SLC4A4: variants seen among roughly 807,000 people sequenced by gnomAD.
SLC4A4 encodes solute carrier family 4 member 4.
SLC4A4 carries 27 observed loss-of-function variants against 111.5 expected under a neutral mutation model. The observed-to-expected ratio is 0.24, with a 90% confidence interval of 0.18 to 0.33. The LOEUF (loss-of-function observed/expected upper bound fraction) is 0.33. SLC4A4 is among the 10% of genes least tolerant of loss of function. The pLI is 1.00. For synonymous variants in SLC4A4, 443 were observed against 463.4 expected (o/e 0.96, Z 0.57); for missense variants, 909 against 1,315.5 (o/e 0.69, Z 4.78).
chr4:71,184,137 A>G (rs1313148004), upstream of SLC4A4, among the ~76,000 whole-genome samples: 1 of 152,204 alleles, frequency 6.6e-6, no homozygotes, highest in Admixed American at 6.5e-5. Context: ...AGAGTCTTTA[A>G]GGACCTAGTC....
intron 2 of SLC4A4, among the ~76,000 whole-genome samples, chr4:71,138,530 T>C (rs909995140): frequency 6.6e-6 from 1 of 152,192 alleles, no homozygotes; most frequent in Non-Finnish European, 1.5e-5. Flanking sequence ...TCGGTTCATA[T>C]TATCTTCAAG....
chr4:71,082,978 C>A (rs1037106910), intron 1 of SLC4A4, among the ~76,000 whole-genome samples: 4 of 151,894 alleles, frequency 2.6e-5, no homozygotes, highest in African/African-American at 7.3e-5. Flanking sequence ...CTCAGCCTCC[C>A]AAGTAGCTGG....
chr4:71,269,069 A>C (rs183582747), intron 3 of SLC4A4, among the ~76,000 whole-genome samples: 1 of 152,334 alleles, frequency 6.6e-6, no homozygotes, highest in African/African-American at 2.4e-5. Flanking sequence ...CAGAATTAGA[A>C]CAAGGTCTTT....
chr4:71,546,226 G>T, intron 18 of SLC4A4, 124 bp from the exon 19 acceptor site: 2 of 802,910 alleles, frequency 2.5e-6, no homozygotes, highest in South Asian at 1.4e-5. Context: ...CCTCTTTCAA[G>T]GAGTTTAACT....
intron 16 of SLC4A4, among the ~76,000 whole-genome samples, chr4:71,511,256 T>C (rs990789621): frequency 6.6e-6 from 1 of 152,150 alleles, no homozygotes; most frequent in African/African-American, 2.4e-5. Flanking sequence ...ATCCTCTTCT[T>C]TTACCCTGAA....
At chr4:71,520,695 A>G (rs777264544) in intron 16 of SLC4A4, among the ~76,000 whole-genome samples, 30 of 152,216 alleles carry the variant, frequency 2.0e-4, no homozygotes, top group Non-Finnish European at 4.0e-4. Flanking sequence ...AACCTTACAA[A>G]TTAGCAAAAA....
intron 2 of SLC4A4, among the ~76,000 whole-genome samples, chr4:71,149,866 A>T (rs1744268581): frequency 6.6e-6 from 1 of 152,134 alleles, no homozygotes; most frequent in African/African-American, 2.4e-5. Flanking sequence ...TTTTTGATTC[A>T]TCAAATGGAG....
chr4:71,339,036 T>C, intron 3 of SLC4A4: 1 of 1,451,360 alleles, frequency 6.9e-7, no homozygotes, highest in Non-Finnish European at 9.0e-7. Flanking sequence ...TAATTTTGGA[T>C]GAGTCATAAG....
chr4:71,339,075 A>G, intron 3 of SLC4A4: 1 of 1,565,208 alleles, frequency 6.4e-7, no homozygotes, highest in South Asian at 1.2e-5. Context: ...GAGTGGTTAG[A>G]CCTCAGCTCA....
chr4:71,429,578 G>T (rs1321523362), intron 7 of SLC4A4, among the ~76,000 whole-genome samples: 1 of 152,162 alleles, frequency 6.6e-6, no homozygotes, highest in Non-Finnish European at 1.5e-5. Context: ...TAATAGCCTG[G>T]TAAAGACAAA....
At chr4:71,566,956 T>C in intron 24 of SLC4A4, 48 bp from the exon 25 acceptor site, 2 of 1,505,998 alleles carry the variant, frequency 1.3e-6, no homozygotes, top group East Asian at 2.3e-5. Context: ...TGTTTTATAC[T>C]TCACCAAAGA....
At chr4:71,483,527 T>C (rs1482234799) in intron 14 of SLC4A4, among the ~76,000 whole-genome samples, 1 of 152,034 alleles carries the variant, frequency 6.6e-6, no homozygotes, top group Non-Finnish European at 1.5e-5. Context: ...GGCTGCATAG[T>C]ATTCCATGGT....
chr4:71,526,691 A>T (rs765440496), intron 16 of SLC4A4, among the ~76,000 whole-genome samples: 2 of 152,146 alleles, frequency 1.3e-5, no homozygotes, highest in African/African-American at 2.4e-5. Flanking sequence ...CTGAGAGGTC[A>T]GATCTGGATG....
chr4:71,202,514 C>T (rs1427777873), intron 1 of SLC4A4, among the ~76,000 whole-genome samples: 1 of 152,160 alleles, frequency 6.6e-6, no homozygotes, highest in Admixed American at 6.6e-5. Context: ...CCACAAAACA[C>T]TCTTTTAAAA....
chr4:71,087,721 A>G (rs959075066), intron 1 of SLC4A4, among the ~76,000 whole-genome samples: 2 of 151,610 alleles, frequency 1.3e-5, no homozygotes, highest in African/African-American at 4.9e-5. Context: ...GGTTTTGAGC[A>G]AGTTTCTTAA....
chr4:71,252,359 G>A (rs1578680611), intron 2 of SLC4A4, among the ~76,000 whole-genome samples: 1 of 152,172 alleles, frequency 6.6e-6, no homozygotes, highest in Non-Finnish European at 1.5e-5. Context: ...CTTCTTATAG[G>A]CAAGGAAGCT....
intron 2 of SLC4A4, among the ~76,000 whole-genome samples, chr4:71,167,315 C>G (rs1191819533): frequency 1.3e-5 from 2 of 152,128 alleles, no homozygotes; most frequent in African/African-American, 4.8e-5. Context: ...TACAGCAGCT[C>G]AAGTCTCCAA....
intron 3 of SLC4A4, among the ~76,000 whole-genome samples, chr4:71,293,425 TG>T (rs1331500507): frequency 1.3e-5 from 2 of 151,572 alleles, no homozygotes; most frequent in Admixed American, 1.3e-4. Context: ...TAGCTGGGTG[TG>T]GTGATGCACA....
chr4:71,379,244 A>G lies in SLC4A4; in HGVS notation c.731-18333A>G, dbSNP rs187117125. 2.0e-5 allele frequency among the ~76,000 whole-genome samples: 3 copies of G among 152,252 alleles called. No individual in the cohort carries two copies. The East Asian group carries it at 5.8e-4, about 29-fold the overall frequency. ...TTCCCTAGCCTGGCTAATACTTATA[A>G]TGTCAAGCCTGAGTTCTCTAGCCTG... On this transcript the variant is annotated intron_variant, in intron 6 of 25. Coordinates refer to ENST00000264485, the MANE Select transcript of SLC4A4 (RefSeq NM_001098484.3).
Sources: gnomAD v4.1 joint callset for allele counts (sites outside exome capture counted in the v4.1 genomes callset) on GRCh38, gnomAD v4.1.1 for gene constraint, MANE v1.5 for transcripts, NCBI Gene and HGNC (gene_info 2026-07-23, HGNC 2026-07-21) for gene names.